The following NAALADL2 variants were observed in gnomAD, a reference collection of about 807,000 sequenced individuals.
NAALADL2 encodes the protein N-acetylated alpha-linked acidic dipeptidase like 2.
In NAALADL2, 76 loss-of-function variants were observed where a neutral mutation model predicts 87.2. The ratio of observed to expected loss-of-function variants is 0.87; its 90% CI spans 0.72 to 1.05. The LOEUF (loss-of-function observed/expected upper bound fraction) is 1.05, where lower values mean the gene tolerates loss of function less well. Ranked by LOEUF, NAALADL2 falls within the 50% of genes least tolerant of loss-of-function variation. NAALADL2 has a pLI of 0.00. For synonymous variants in NAALADL2, 354 were observed against 331.0 expected, an observed-to-expected ratio of 1.07 and a Z score of -0.75; for missense variants, 1,089 against 945.8, an observed-to-expected ratio of 1.15 and a Z score of -1.99.
intron 1 of NAALADL2, among the ~76,000 whole-genome samples, chr3:174,959,618 G>C (rs571827823): frequency 6.6e-6 from 1 of 152,128 alleles, no homozygotes; most frequent in South Asian, 2.1e-4. Flanking sequence ...AAATTGCAAA[G>C]ATTAACATGT....
chr3:174,908,334 G>A (rs994901171), intron 1 of NAALADL2, among the ~76,000 whole-genome samples: 8 of 151,986 alleles, frequency 5.3e-5, no homozygotes, highest in Non-Finnish European at 1.0e-4. Context: ...GACAGAATAA[G>A]TCACTATGGG....
intron 5 of NAALADL2, among the ~76,000 whole-genome samples, chr3:175,358,483 G>A (rs1764627677): frequency 1.3e-5 from 2 of 151,364 alleles, no homozygotes; most frequent in South Asian, 2.1e-4. Context: ...AATCTGTCAC[G>A]GGAGTAGTTT....
intron 5 of NAALADL2, chr3:175,369,444 A>C (rs906972945): frequency 6.7e-6 from 1 of 150,290 alleles, no homozygotes; most frequent in African/African-American, 2.5e-5. Flanking sequence ...GTACATATAC[A>C]TGTTACATTT....
rs1560625855 is a variant in NAALADL2, at chr3:175,482,407, T to TA, written c.1653+10649_1653+10650insA. ...ATGTAGAGATTATTTCATCAAAAGCTTTTTAAGTAACTAAAGCCTTGGTTT... is the reference window on the plus strand; with the variant it reads ...ATGTAGAGATTATTTCATCAAAAGCTATTTTAAGTAACTAAAGCCTTGGTTT... On this transcript the variant is annotated intron_variant, in intron 9 of 13. Coordinates refer to ENST00000454872, the MANE Select transcript of NAALADL2 (RefSeq NM_207015.3). Among the ~76,000 whole-genome samples, 19 of 151,514 alleles carry TA rather than the reference T, an allele frequency of 1.3e-4. No individual in the cohort carries two copies. In the East Asian group the frequency reaches 3.7e-3, roughly 29 times the overall value.
chr3:175,429,104 T>A (rs535851563), intron 5 of NAALADL2, among the ~76,000 whole-genome samples: 2 of 151,850 alleles, frequency 1.3e-5, no homozygotes, highest in East Asian at 3.9e-4. Flanking sequence ...ATTGTGTTGT[T>A]TTAGAATAAA....
At chr3:175,405,066 G>T (rs1002572000) in intron 5 of NAALADL2, among the ~76,000 whole-genome samples, 6 of 151,752 alleles carry the variant, frequency 4.0e-5, no homozygotes, top group Non-Finnish European at 7.4e-5. Flanking sequence ...TATCCTGTGG[G>T]GCTTAATTCA....
chr3:175,443,575 A>G (rs1189134888), intron 5 of NAALADL2, among the ~76,000 whole-genome samples: 1 of 152,182 alleles, frequency 6.6e-6, no homozygotes, highest in Non-Finnish European at 1.5e-5. Context: ...TAGCAAGCAT[A>G]GAATTATAAT....
chr3:174,577,852 C>G (rs1197999742), intron 2 of NAALADL2, among the ~76,000 whole-genome samples: 1 of 151,914 alleles, frequency 6.6e-6, no homozygotes. Flanking sequence ...AACATTAATA[C>G]AGTGCTTTTA....
intron 2 of NAALADL2, among the ~76,000 whole-genome samples, chr3:175,127,524 A>G (rs1727153561): frequency 6.6e-6 from 1 of 152,210 alleles, no homozygotes; most frequent in Admixed American, 6.5e-5. Context: ...GATGTTGACC[A>G]TGATATTAAT....
chr3:174,955,059 C>T (rs11708020), intron 1 of NAALADL2, among the ~76,000 whole-genome samples: 112,508 of 152,036 alleles, frequency 0.74, 42,270 homozygotes, highest in African/African-American at 0.77. Flanking sequence ...CTTTAGGAAA[C>T]GTAATTGAAA....
intron 2 of NAALADL2, among the ~76,000 whole-genome samples, chr3:175,216,881 C>T (rs948189698): frequency 1.3e-5 from 2 of 151,958 alleles, no homozygotes; most frequent in Non-Finnish European, 2.9e-5. Flanking sequence ...GTTGGCCAGG[C>T]TGGTCTCGAA....
intron 1 of NAALADL2, among the ~76,000 whole-genome samples, chr3:174,865,995 T>C (rs1456577677): frequency 1.3e-5 from 2 of 151,910 alleles, no homozygotes; most frequent in Non-Finnish European, 2.9e-5. Flanking sequence ...GTATACAAAA[T>C]ATATGCCAGA....
intron 1 of NAALADL2, among the ~76,000 whole-genome samples, chr3:174,932,716 T>A (rs544573642): frequency 1.3e-5 from 2 of 152,186 alleles, no homozygotes; most frequent in African/African-American, 4.8e-5. Flanking sequence ...TGTATAAACT[T>A]TAACACTGCT....
At chr3:175,520,222 A>G (rs918555923) in intron 9 of NAALADL2, among the ~76,000 whole-genome samples, 16 of 152,056 alleles carry the variant, frequency 1.1e-4, no homozygotes, top group East Asian at 3.9e-4. Context: ...AAGTCACTCA[A>G]TCTTTCACTA....
Position 174,748,486 on chromosome 3 carries a change from C to G in NAALADL2, c.-9+10740C>G, listed in dbSNP as rs185853454. 3.8e-4 allele frequency among the ~76,000 whole-genome samples: 58 copies of G among 152,098 alleles called. No homozygotes were observed. In the East Asian group the frequency reaches 0.01, roughly 26 times the overall value. On this transcript the variant is annotated intron_variant, in intron 3 of 3. Coordinates refer to the NAALADL2 transcript ENST00000434257. Reference sequence around the variant, plus strand: ...CCCTTGGTTTTAATCAAGTGAAATCCATTTCAAACCTCTGGACCCCAGAAC... The same window carrying G: ...CCCTTGGTTTTAATCAAGTGAAATCGATTTCAAACCTCTGGACCCCAGAAC...
intron 1 of NAALADL2, among the ~76,000 whole-genome samples, chr3:174,864,321 T>C (rs970883738): frequency 2.0e-5 from 3 of 152,118 alleles, no homozygotes; most frequent in African/African-American, 4.8e-5. Context: ...AGAAATAAGA[T>C]GGCAAGCAGT....
chr3:175,197,839 A>C (rs1580882768), intron 2 of NAALADL2, among the ~76,000 whole-genome samples: 1 of 152,176 alleles, frequency 6.6e-6, no homozygotes, highest in East Asian at 1.9e-4. Context: ...GCCAACAAGA[A>C]TGAAATATTG....
intron 1 of NAALADL2, among the ~76,000 whole-genome samples, chr3:174,912,733 G>C (rs2108308702): frequency 6.6e-6 from 1 of 152,262 alleles, no homozygotes; most frequent in Non-Finnish European, 1.5e-5. Flanking sequence ...GCAATGGTCT[G>C]TTTCATGATC....
intron 1 of NAALADL2, among the ~76,000 whole-genome samples, chr3:174,940,181 G>A (rs114000220): frequency 0.013 from 2,029 of 152,204 alleles, 45 homozygotes; most frequent in African/African-American, 0.046. Flanking sequence ...TTGGAGGCAT[G>A]TTCCTTCGAT....
Sources: allele counts gnomAD v4.1 joint callset (sites outside exome capture counted in the v4.1 genomes callset), GRCh38; gene constraint gnomAD v4.1.1; transcripts MANE v1.5; gene names NCBI Gene and HGNC (gene_info 2026-07-23, HGNC 2026-07-21).